Variants in CPNE5 observed in about 807,000 individuals in gnomAD.
The protein encoded by CPNE5 is copine-5.
In CPNE5, 42 loss-of-function variants were observed where a neutral mutation model predicts 81.1. That is an observed-to-expected ratio of 0.52 (90% CI 0.40 to 0.67). The LOEUF is 0.67. CPNE5 is among the 30% of genes least tolerant of loss of function. The pLI is 0.00. For synonymous variants in CPNE5, 313 were observed against 321.5 expected (o/e 0.97, Z 0.28); for missense variants, 612 against 815.5 (o/e 0.75, Z 3.04).
intron 7 of CPNE5, among the ~76,000 whole-genome samples, chr6:36,792,612 G>T (rs1191945220): frequency 1.3e-5 from 2 of 152,166 alleles, no homozygotes; most frequent in Non-Finnish European, 2.9e-5. Context: ...CCTTCCCATG[G>T]CTACCTCCCC....
Position 36,742,098 on chromosome 6 carries a change from T to C in CPNE5, c.*170A>G. ...TAACTCCCTGGGTTTGGGCAATAAG[T>C]GAGGCCAAGAAATTGAGGAGGGGTC... On this transcript the variant is annotated 3_prime_UTR_variant, in exon 21 of 21. Coordinates refer to ENST00000244751, the MANE Select transcript of CPNE5 (RefSeq NM_020939.2). The C allele has an allele frequency of 1.7e-6, 1 of 594,980 alleles. No individual in the cohort carries two copies. Among genetic ancestry groups the C allele is most frequent in the Non-Finnish European group, 3.0e-6 (1 of 338,080 alleles). The allele number at this position is 594,980 out of a possible 1,614,324, so 36.9% of individuals were successfully genotyped here.
At chr6:36,760,307 G>A (rs1765899729) in intron 12 of CPNE5, among the ~76,000 whole-genome samples, 1 of 151,800 alleles carries the variant, frequency 6.6e-6, no homozygotes, top group Admixed American at 6.6e-5. Flanking sequence ...ACTTCACCCT[G>A]TAGGTCAGTG....
intron 14 of CPNE5, chr6:36,752,664 T>C (rs773994440): frequency 1.8e-5 from 3 of 167,748 alleles, no homozygotes; most frequent in Non-Finnish European, 2.6e-5. Context: ...AGCAAATTAA[T>C]GGCAAAGAGA....
chr6:36,777,352 C>T (rs1287594595), intron 9 of CPNE5, among the ~76,000 whole-genome samples: 1 of 151,784 alleles, frequency 6.6e-6, no homozygotes, highest in Admixed American at 6.6e-5. Context: ...CTCCCTTTCC[C>T]CGCACCCTCC....
intron 3 of CPNE5, among the ~76,000 whole-genome samples, chr6:36,803,243 C>G (rs969250607): frequency 6.6e-6 from 1 of 152,162 alleles, no homozygotes; most frequent in Non-Finnish European, 1.5e-5. Context: ...CCTCGACTAC[C>G]ACGGCAACCT....
intron 14 of CPNE5, among the ~76,000 whole-genome samples, chr6:36,749,191 C>T (rs961756287): frequency 6.6e-6 from 1 of 152,092 alleles, no homozygotes; most frequent in Non-Finnish European, 1.5e-5. Flanking sequence ...CTGCCTCAGC[C>T]TCCCAAAGTG....
At chr6:36,809,221 A>G (rs1770877211) in intron 3 of CPNE5, among the ~76,000 whole-genome samples, 2 of 151,980 alleles carry the variant, frequency 1.3e-5, no homozygotes, top group South Asian at 4.2e-4. Flanking sequence ...GGAGAGAGAG[A>G]GAGGAAGGGA....
chr6:36,784,658 T>C (rs907720401), intron 8 of CPNE5, among the ~76,000 whole-genome samples: 2 of 152,180 alleles, frequency 1.3e-5, no homozygotes, highest in African/African-American at 4.8e-5. Context: ...TGCCGTCCCC[T>C]TGGCCGGGCA....
intron 13 of CPNE5, 141 bp downstream of exon 13, chr6:36,756,104 C>A: frequency 6.9e-6 from 3 of 432,884 alleles, no homozygotes; most frequent in African/African-American, 4.2e-5. Context: ...CCCCACCCCT[C>A]CCCACCCCAT....
In CPNE5 at chr6:36,742,380, TA is replaced by T. The variant is rs774483697; in HGVS notation, c.1669del (p.Tyr557ThrfsTer2). 6.2e-7 allele frequency: 1 copy of T among 1,613,698 alleles called. No individual in the cohort carries two copies. On this transcript the variant is annotated frameshift_variant, in exon 21 of 21. Transcript: ENST00000244751. LOFTEE classifies it low-confidence loss of function (END_TRUNC). ...LAEIPDQLVSYMKAQGIRPRP... is the reference protein window; with the variant it reads ...LAEIPDQLVSXMKAQGIRPRP... ...CGGGCGAATGCCCTGTGCCTTCATGTAGGACACCAGTTGGTCAGGGATCTCT... is the reference window on the plus strand; with the variant it reads ...CGGGCGAATGCCCTGTGCCTTCATGTGGACACCAGTTGGTCAGGGATCTCT...
intron 3 of CPNE5, among the ~76,000 whole-genome samples, chr6:36,815,329 G>A (rs9380603): frequency 0.16 from 23,853 of 152,098 alleles, 2,401 homozygotes; most frequent in East Asian, 0.25. Context: ...TCATCCCCCA[G>A]CACATAGTAG....
At chr6:36,743,532 G>T (rs879600328) in intron 20 of CPNE5, among the ~76,000 whole-genome samples, 157 bp downstream of exon 20, 17 of 152,242 alleles carry the variant, frequency 1.1e-4, no homozygotes, top group Admixed American at 2.0e-4. Flanking sequence ...GCCGAGGACT[G>T]ACTCCTACTC....
intron 10 of CPNE5, among the ~76,000 whole-genome samples, chr6:36,769,801 G>A (rs1221962339): frequency 2.0e-5 from 3 of 152,198 alleles, no homozygotes; most frequent in Admixed American, 2.0e-4. Context: ...CATCTGTGGA[G>A]ATGCCTGATA....
intron 12 of CPNE5, 124 bp from the exon 13 acceptor site, chr6:36,756,422 C>T (rs1011635772): frequency 1.4e-6 from 1 of 734,942 alleles, no homozygotes; most frequent in East Asian, 2.6e-5. Context: ...GGTGTGAAGA[C>T]CACGGGGCCA....
At chr6:36,781,527 A>T (rs1480140945) in intron 8 of CPNE5, among the ~76,000 whole-genome samples, 1 of 152,168 alleles carries the variant, frequency 6.6e-6, no homozygotes, top group Non-Finnish European at 1.5e-5. Context: ...CCTCCAGAAA[A>T]GTCCCTAGGC....
chr6:36,781,926 G>T (rs1250028068), intron 8 of CPNE5, among the ~76,000 whole-genome samples: 1 of 151,986 alleles, frequency 6.6e-6, no homozygotes, highest in East Asian at 1.9e-4. Flanking sequence ...AGCGGGGATG[G>T]CCCCAGCAAG....
At chr6:36,787,184 T>C (rs1768638661) in intron 8 of CPNE5, among the ~76,000 whole-genome samples, 1 of 152,152 alleles carries the variant, frequency 6.6e-6, no homozygotes, top group Admixed American at 6.5e-5. Flanking sequence ...TCTCTCTTTC[T>C]CCATGGCTCT....
chr6:36,757,249 A>C (rs1035839426), intron 12 of CPNE5: 2 of 845,414 alleles, frequency 2.4e-6, no homozygotes, highest in Non-Finnish European at 2.8e-6. Context: ...ACTTTTCCCT[A>C]ATGTCCCATC....
In CPNE5 at chr6:36,765,223, C is replaced by A. The variant is rs979475705; in HGVS notation, c.779+112G>T. On this transcript the variant is annotated intron_variant, in intron 11 of 20. Transcript: ENST00000244751. ...ACACGCAAACCCAGGCTCCCTCACC[C>A]CCAGAGCCACTGCGGGGGGGAGCCT... 4.2e-6 allele frequency: 5 copies of A among 1,195,344 alleles called. No individual in the cohort carries two copies. The African/African-American group carries it at 6.0e-5, about 14-fold the overall frequency. The allele number at this position is 1,195,344 out of a possible 1,614,324, so 74.0% of individuals were successfully genotyped here.
Sources: gnomAD v4.1 joint callset for allele counts (sites outside exome capture counted in the v4.1 genomes callset) on GRCh38, gnomAD v4.1.1 for gene constraint, MANE v1.5 for transcripts, NCBI Gene and HGNC (gene_info 2026-07-23, HGNC 2026-07-21) for gene names.